The following MBOAT1 variants were observed in gnomAD, a reference collection of about 807,000 sequenced individuals.
MBOAT1 encodes the protein membrane-bound glycerophospholipid O-acyltransferase 1.
In MBOAT1, 67 loss-of-function variants were observed where a neutral mutation model predicts 64.4. The observed-to-expected ratio is 1.04, with a 90% confidence interval of 0.85 to 1.27. The LOEUF is 1.27. Ranked by LOEUF, MBOAT1 falls within the 50% of genes most tolerant of loss-of-function variation. The pLI is 0.00. For missense variants in MBOAT1, 563 were observed against 604.6 expected, an observed-to-expected ratio of 0.93 and a Z score of 0.72; for synonymous variants, 229 against 218.9, an observed-to-expected ratio of 1.05 and a Z score of -0.41.
At chr6:20,108,928 A>G (rs994106275) in intron 12 of MBOAT1, among the ~76,000 whole-genome samples, 5 of 152,272 alleles carry the variant, frequency 3.3e-5, no homozygotes, top group Admixed American at 2.6e-4. Context: ...TCACAAGAGC[A>G]TGTGCTCAAC....
chr6:20,132,774 A>G (rs1483765848), intron 4 of MBOAT1, among the ~76,000 whole-genome samples: 1 of 152,258 alleles, frequency 6.6e-6, no homozygotes, highest in Non-Finnish European at 1.5e-5. Flanking sequence ...CAAGAAAGTG[A>G]AAAGATATTT....
chr6:20,102,804 G>C (rs1759840036), intron 12 of MBOAT1, among the ~76,000 whole-genome samples: 1 of 152,174 alleles, frequency 6.6e-6, no homozygotes, highest in Non-Finnish European at 1.5e-5. Context: ...TTCAGCCAAT[G>C]ATGGACCACA....
At chr6:20,174,477 C>G (rs1487530136) in intron 1 of MBOAT1, among the ~76,000 whole-genome samples, 3 of 152,108 alleles carry the variant, frequency 2.0e-5, no homozygotes, top group African/African-American at 7.2e-5. Flanking sequence ...AATAATACAG[C>G]AGAAAAAATG....
chr6:20,155,490 G>C (rs1026969352), intron 1 of MBOAT1, among the ~76,000 whole-genome samples: 3 of 152,166 alleles, frequency 2.0e-5, no homozygotes, highest in African/African-American at 7.2e-5. Flanking sequence ...TCTGGGCTTC[G>C]ATTCCTTTAT....
chr6:20,136,353 C>G (rs930897826), intron 4 of MBOAT1, among the ~76,000 whole-genome samples: 1 of 152,128 alleles, frequency 6.6e-6, no homozygotes, highest in African/African-American at 2.4e-5. Context: ...CACCAATTCT[C>G]GATTTGAATA....
chr6:20,101,714 G>A lies in MBOAT1; in HGVS notation c.*572C>T, dbSNP rs1229439810. Among the ~76,000 whole-genome samples the A allele has an allele frequency of 1.3e-5, 2 of 152,162 alleles. No individual in the cohort carries two copies. Among genetic ancestry groups the A allele is most frequent in the African/African-American group, 2.4e-5 (1 of 41,434 alleles). ...CAGCAGCCCAGAATGGACTGTCTCT[G>A]CAGCTCTGGCACATTCTCTACACAT... On this transcript the variant is annotated 3_prime_UTR_variant, in exon 13 of 13. Coordinates refer to ENST00000324607, the MANE Select transcript of MBOAT1 (RefSeq NM_001080480.3).
At chr6:20,149,965 T>G (rs1207798108) in intron 3 of MBOAT1, among the ~76,000 whole-genome samples, 1 of 152,202 alleles carries the variant, frequency 6.6e-6, no homozygotes, top group Non-Finnish European at 1.5e-5. Flanking sequence ...CATAAATATT[T>G]ATTGAGCTCT....
chr6:20,162,876 C>T (rs557310723), intron 1 of MBOAT1, among the ~76,000 whole-genome samples: 86 of 152,310 alleles, frequency 5.6e-4, no homozygotes, highest in African/African-American at 1.9e-3. Flanking sequence ...TAGTCATGAA[C>T]CAAGCTTCTT....
intron 1 of MBOAT1, among the ~76,000 whole-genome samples, chr6:20,186,243 G>T (rs1762649503): frequency 2.0e-5 from 3 of 152,194 alleles, no homozygotes; most frequent in Non-Finnish European, 4.4e-5. Context: ...GCTGAATTTT[G>T]CTGAAAGCCA....
intron 2 of MBOAT1, 118 bp from the exon 3 acceptor site, chr6:20,151,380 T>C (rs942246010): frequency 1.5e-6 from 1 of 645,884 alleles, no homozygotes. Flanking sequence ...TGATCAATGA[T>C]CAGTAACTCA....
In MBOAT1 at chr6:20,174,595, C is replaced by G. The variant is rs557502698; in HGVS notation, c.100-21826G>C. On this transcript the variant is annotated intron_variant, in intron 1 of 12. Coordinates refer to ENST00000324607, the MANE Select transcript of MBOAT1 (RefSeq NM_001080480.3). ...GTGGTGAGCCTAGGACATGAGTGTA[C>G]ACTTTTATACAACTGGCAGCATGGT... 7.9e-5 allele frequency among the ~76,000 whole-genome samples: 12 copies of G among 152,288 alleles called. No homozygotes were observed. In the South Asian group the frequency reaches 2.5e-3, roughly 32 times the overall value.
At chr6:20,102,458 G>A (rs1759830380) in intron 12 of MBOAT1, 46 bp from the exon 13 acceptor site, 1 of 1,511,274 alleles carries the variant, frequency 6.6e-7, no homozygotes, top group Non-Finnish European at 9.1e-7. Flanking sequence ...TAAGGATGTA[G>A]ATGGGAAACA....
intron 5 of MBOAT1, among the ~76,000 whole-genome samples, chr6:20,130,348 TTTGTTG>T (rs566699579): frequency 6.6e-6 from 1 of 151,808 alleles, no homozygotes; most frequent in Admixed American, 6.6e-5. Context: ...TTTTCCCAGC[TTTGTTG>T]TTGTTGTTGT....
At chr6:20,154,857 C>A (rs1182456951) in intron 1 of MBOAT1, among the ~76,000 whole-genome samples, 1 of 152,210 alleles carries the variant, frequency 6.6e-6, no homozygotes, top group East Asian at 1.9e-4. Flanking sequence ...ATCAATGTCT[C>A]ATTTTAAACT....
chr6:20,154,662 G>A lies in MBOAT1; in HGVS notation c.100-1893C>T, dbSNP rs963064811. On this transcript the variant is annotated intron_variant, in intron 1 of 12. Coordinates refer to ENST00000324607, the MANE Select transcript of MBOAT1 (RefSeq NM_001080480.3). ...TTTCTATCTTGACAGACAGAGAAGC[G>A]ACTTGTGAGCCTGTCCTGCGTGATT... is the stretch of plus-strand genomic sequence containing the variant. Among the ~76,000 whole-genome samples the A allele has an allele frequency of 3.3e-5, 5 of 152,166 alleles. No individual in the cohort carries two copies. The South Asian group carries it at 8.3e-4, about 25-fold the overall frequency.
In MBOAT1 at chr6:20,138,150, G is replaced by A. The variant is rs150292857; in HGVS notation, c.419+6070C>T. 4.4e-3 allele frequency among the ~76,000 whole-genome samples: 675 copies of A among 152,232 alleles called. 11 individuals carry two copies. Among genetic ancestry groups the A allele is most frequent in the African/African-American group, 0.015 (606 of 41,524 alleles). Reference sequence around the variant, plus strand: ...CAGGAAGAGGGATTTATGGTAGTGAGGCAGCCTGCCTTTACGGTGGTAGGG... The same window carrying A: ...CAGGAAGAGGGATTTATGGTAGTGAAGCAGCCTGCCTTTACGGTGGTAGGG... On this transcript the variant is annotated intron_variant, in intron 4 of 12. Coordinates refer to ENST00000324607, the MANE Select transcript of MBOAT1 (RefSeq NM_001080480.3).
intron 1 of MBOAT1, among the ~76,000 whole-genome samples, chr6:20,206,588 T>C (rs2113777784): frequency 6.6e-6 from 1 of 152,304 alleles, no homozygotes; most frequent in East Asian, 1.9e-4. Context: ...GCTGAGTGCA[T>C]GACAGACAGC....
At chr6:20,137,313 A>C (rs1246160753) in intron 4 of MBOAT1, among the ~76,000 whole-genome samples, 5 of 152,186 alleles carry the variant, frequency 3.3e-5, no homozygotes, top group Admixed American at 3.3e-4. Flanking sequence ...AATCTGGCCT[A>C]CCATGGCAAA....
At chr6:20,123,602 T>C (rs1760555920) in intron 8 of MBOAT1, among the ~76,000 whole-genome samples, 1 of 150,398 alleles carries the variant, frequency 6.6e-6, no homozygotes, top group Non-Finnish European at 1.5e-5. Flanking sequence ...TTGAACTTTC[T>C]ACCTAAAAAA....
Sources: allele counts gnomAD v4.1 joint callset (sites outside exome capture counted in the v4.1 genomes callset), GRCh38; gene constraint gnomAD v4.1.1; transcripts MANE v1.5; gene names NCBI Gene and HGNC (gene_info 2026-07-23, HGNC 2026-07-21).